Variants in RALYL observed in about 807,000 individuals in gnomAD.
RALYL encodes RNA-binding Raly-like protein.
Under a neutral mutation model 35.1 loss-of-function variants are expected in RALYL, and 29 were observed. The observed-to-expected ratio is 0.83, with a 90% confidence interval of 0.61 to 1.13. The LOEUF (loss-of-function observed/expected upper bound fraction) is 1.13. Ranked by LOEUF, RALYL falls within the 50% of genes most tolerant of loss-of-function variation. The pLI, the probability that RALYL is intolerant of heterozygous loss-of-function variation, is 0.00. For synonymous variants in RALYL, 120 were observed against 127.6 expected, an observed-to-expected ratio of 0.94 and a Z score of 0.40; for missense variants, 359 against 360.4, an observed-to-expected ratio of 1.00 and a Z score of 0.03.
At chr8:84,270,848 G>T (rs909339989) in intron 1 of RALYL, among the ~76,000 whole-genome samples, 5 of 152,006 alleles carry the variant, frequency 3.3e-5, no homozygotes, top group Admixed American at 1.3e-4. Flanking sequence ...TGAACTTAGT[G>T]GTAGATTAAG....
intron 2 of RALYL, among the ~76,000 whole-genome samples, chr8:84,613,296 C>T (rs1378052511): frequency 1.3e-5 from 2 of 151,510 alleles, no homozygotes; most frequent in Non-Finnish European, 2.9e-5. Context: ...AAAATATATA[C>T]TTAAAGAAAT....
At chr8:84,776,031 G>A (rs1816755754) in intron 3 of RALYL, among the ~76,000 whole-genome samples, 1 of 152,174 alleles carries the variant, frequency 6.6e-6, no homozygotes, top group African/African-American at 2.4e-5. Flanking sequence ...CATCTGAAGA[G>A]TTAACATAAA....
intron 5 of RALYL, among the ~76,000 whole-genome samples, chr8:84,854,442 A>G (rs1836552856): frequency 6.6e-6 from 1 of 152,222 alleles, no homozygotes; most frequent in African/African-American, 2.4e-5. Context: ...ATAACTGAGA[A>G]ACAAACTGGT....
intron 1 of RALYL, among the ~76,000 whole-genome samples, chr8:84,230,223 T>G (rs567201258): frequency 1.3e-5 from 2 of 152,110 alleles, no homozygotes; most frequent in East Asian, 3.8e-4. Flanking sequence ...AAAAATTATT[T>G]TATGGTAGCT....
At chr8:84,405,857 GCT>G (rs2043428381) in intron 1 of RALYL, among the ~76,000 whole-genome samples, 2 of 93,304 alleles carry the variant, frequency 2.1e-5, no homozygotes, top group African/African-American at 8.8e-5. Flanking sequence ...ACAGAGTCTT[GCT>G]CTGTCACCCA....
At chr8:84,570,435 T>C (rs1322505541) in intron 2 of RALYL, among the ~76,000 whole-genome samples, 1 of 151,882 alleles carries the variant, frequency 6.6e-6, no homozygotes, top group African/African-American at 2.4e-5. Context: ...GATTTCAGTA[T>C]CCTGAAATTT....
At chr8:84,214,487 A>G (rs1820297848) in intron 1 of RALYL, among the ~76,000 whole-genome samples, 1 of 152,166 alleles carries the variant, frequency 6.6e-6, no homozygotes, top group Non-Finnish European at 1.5e-5. Flanking sequence ...TTTACTAAAA[A>G]TTCTATTTAC....
chr8:84,842,397 A>C (rs1586702041), intron 4 of RALYL, among the ~76,000 whole-genome samples: 1 of 152,102 alleles, frequency 6.6e-6, no homozygotes, highest in African/African-American at 2.4e-5. Flanking sequence ...CGACACATAC[A>C]CCCTCCCAAG....
intron 7 of RALYL, among the ~76,000 whole-genome samples, chr8:84,880,100 T>C (rs1467715685): frequency 6.6e-6 from 1 of 152,118 alleles, no homozygotes; most frequent in Non-Finnish European, 1.5e-5. Context: ...TTAGCTCTTA[T>C]TAAAGTTAGG....
chr8:84,710,837 T>C (rs1175382523), intron 2 of RALYL, among the ~76,000 whole-genome samples: 1 of 152,138 alleles, frequency 6.6e-6, no homozygotes, highest in Non-Finnish European at 1.5e-5. Context: ...CAGAGACTGC[T>C]CTAATGGTAG....
intron 4 of RALYL, among the ~76,000 whole-genome samples, chr8:84,848,593 T>C (rs1835159258): frequency 1.3e-5 from 2 of 152,094 alleles, no homozygotes; most frequent in African/African-American, 4.8e-5. Context: ...TATGACTATA[T>C]GATTGTATGA....
At chr8:84,250,581 T>C (rs1200871884) in intron 1 of RALYL, among the ~76,000 whole-genome samples, 1 of 152,082 alleles carries the variant, frequency 6.6e-6, no homozygotes, top group Non-Finnish European at 1.5e-5. Flanking sequence ...GTATATTAAT[T>C]ATAGGCAATT....
intron 1 of RALYL, among the ~76,000 whole-genome samples, chr8:84,356,881 A>AAT (rs145621181): frequency 0.17 from 26,077 of 150,962 alleles, 4,918 homozygotes; most frequent in African/African-American, 0.42. Context: ...GATTCTTGCA[A>AAT]ATATATATAT....
chr8:84,649,622 T>C (rs1828270010), intron 2 of RALYL, among the ~76,000 whole-genome samples: 1 of 152,120 alleles, frequency 6.6e-6, no homozygotes, highest in African/African-American at 2.4e-5. Flanking sequence ...AGGGCTCTGT[T>C]CTGTTCCATT....
At chr8:84,363,252 G>T (rs371785742) in intron 1 of RALYL, among the ~76,000 whole-genome samples, 1 of 152,222 alleles carries the variant, frequency 6.6e-6, no homozygotes, top group East Asian at 1.9e-4. Flanking sequence ...TCTTCTAATC[G>T]CAGTGATGTT....
intron 1 of RALYL, among the ~76,000 whole-genome samples, chr8:84,375,179 G>A (rs1856672531): frequency 6.6e-6 from 1 of 151,862 alleles, no homozygotes; most frequent in South Asian, 2.1e-4. Flanking sequence ...TTTATGTTCT[G>A]TGAACCACAC....
chr8:84,229,387 G>A (rs1824785674), intron 1 of RALYL, among the ~76,000 whole-genome samples: 1 of 152,138 alleles, frequency 6.6e-6, no homozygotes, highest in Non-Finnish European at 1.5e-5. Context: ...CATGTAGAAT[G>A]CAAAATAAAG....
At chr8:84,489,934 A>G (rs1004132888) in intron 1 of RALYL, among the ~76,000 whole-genome samples, 5 of 152,046 alleles carry the variant, frequency 3.3e-5, no homozygotes, top group African/African-American at 9.7e-5. Flanking sequence ...GGGAGAAGGA[A>G]CCAAATCATG....
chr8:84,253,709 T>A (rs1586570178), intron 1 of RALYL, among the ~76,000 whole-genome samples: 1 of 152,128 alleles, frequency 6.6e-6, no homozygotes, highest in Non-Finnish European at 1.5e-5. Context: ...TTTGCATAGG[T>A]ATAGGTCTCT....
Sources: gnomAD v4.1 joint callset for allele counts (sites outside exome capture counted in the v4.1 genomes callset) on GRCh38, gnomAD v4.1.1 for gene constraint, MANE v1.5 for transcripts, NCBI Gene and HGNC (gene_info 2026-07-23, HGNC 2026-07-21) for gene names.